The following RALGDS variants were observed in gnomAD, a reference collection of about 807,000 sequenced individuals.
RALGDS encodes the protein ral guanine nucleotide dissociation stimulator.
RALGDS carries 44 observed loss-of-function variants against 99.8 expected under a neutral mutation model. That is an observed-to-expected ratio of 0.44 (90% CI 0.35 to 0.57). RALGDS has a LOEUF of 0.57. Ranked by LOEUF, RALGDS falls within the 20% of genes least tolerant of loss-of-function variation. RALGDS has a pLI of 0.01. For missense variants in RALGDS, 1,022 were observed against 1,203.1 expected, an observed-to-expected ratio of 0.85 and a Z score of 2.23; for synonymous variants, 529 against 505.0, an observed-to-expected ratio of 1.05 and a Z score of -0.64.
At chr9:133,099,721 T>G in intron 17 of RALGDS, 1 of 172,314 alleles carries the variant, frequency 5.8e-6, no homozygotes, top group Non-Finnish European at 1.3e-5. Flanking sequence ...TTCATTTCCA[T>G]TTGGGGGATG....
Position 133,103,763 on chromosome 9 carries a change from A to G in RALGDS, c.1742T>C (p.Met581Thr), listed in dbSNP as rs372581332. 1 of 1,613,208 alleles carries G rather than the reference A, an allele frequency of 6.2e-7. No individual in the cohort carries two copies. The highest frequency in any genetic ancestry group is 8.5e-7 in the Non-Finnish European group (1 of 1,179,852). Residue 581 changes from methionine (M) to threonine (T), a missense_variant, in exon 11 of 18, where the codon ATG (methionine) becomes ACG (threonine). Met to Thr is a moderately conservative substitution (Grantham distance 81). This residue lies in a region of RALGDS where 825 missense variants were observed against 994.5 expected (regional missense o/e 0.83). Coordinates refer to ENST00000372050, the MANE Select transcript of RALGDS (RefSeq NM_006266.4). ...LTDLVMLDTA[M>T]KDYLYGRLIN... is the part of the protein sequence containing the mutation. ...CACACTCACATACAGATAGTCCTTC[A>G]TGGCAGTGTCCAGCATCACCAGGTC...
At chr9:133,136,518 G>A (rs932415700) in intron 1 of RALGDS, among the ~76,000 whole-genome samples, 14 of 152,206 alleles carry the variant, frequency 9.2e-5, no homozygotes, top group African/African-American at 3.1e-4. Context: ...GCTCACGCCT[G>A]TAATCCCAGC....
intron 1 of RALGDS, among the ~76,000 whole-genome samples, chr9:133,113,589 G>A (rs986226680): frequency 2.6e-5 from 4 of 152,194 alleles, no homozygotes; most frequent in Non-Finnish European, 5.9e-5. Flanking sequence ...GGGAGGTCTG[G>A]CCCTTCCACT....
In RALGDS at chr9:133,130,128, C is replaced by G. The variant is rs150869182; in HGVS notation, c.132+824G>C. On this transcript the variant is annotated intron_variant, in intron 1 of 17. Coordinates refer to the RALGDS transcript ENST00000372062. ...CTGGGACTACAGGCGCATGCCACCA[C>G]ACCCAGCTAATTTTTGTATTTTTAG... 3.4e-3 allele frequency among the ~76,000 whole-genome samples: 525 copies of G among 152,328 alleles called. 7 individuals are homozygous for G. Among genetic ancestry groups the G allele is most frequent in the African/African-American group, 0.012 (510 of 41,566 alleles).
chr9:133,146,005 G>A (rs772489037), intron 1 of RALGDS, among the ~76,000 whole-genome samples: 2 of 152,198 alleles, frequency 1.3e-5, no homozygotes. Flanking sequence ...AATACAAGTC[G>A]GACAGGCTGG....
Position 133,103,754 on chromosome 9 carries a change from T to C in RALGDS, c.1751A>G (p.Tyr584Cys), listed in dbSNP as rs1209000008. 3.7e-6 allele frequency: 6 copies of C among 1,612,894 alleles called. No homozygotes were observed. The highest frequency in any genetic ancestry group is 2.2e-5 in the South Asian group (2 of 91,064). Reference sequence around the variant, plus strand: ...CCCGCCCGGCACACTCACATACAGATAGTCCTTCATGGCAGTGTCCAGCAT... The same window carrying C: ...CCCGCCCGGCACACTCACATACAGACAGTCCTTCATGGCAGTGTCCAGCAT... ...LVMLDTAMKD[Y>C]LYGRLINFEK... is the part of the protein sequence containing the mutation. Residue 584 changes from tyrosine to cysteine, a missense_variant, in exon 11 of 18, where the codon TAT becomes TGT. Around this residue, in one of 3 missense-constraint regions of RALGDS, gnomAD observed 825 missense variants for 994.5 expected, o/e 0.83. Transcript: ENST00000372050.
At chr9:133,103,957 C>T (rs1588514116) in intron 10 of RALGDS, 124 bp from the exon 11 acceptor site, 1 of 942,644 alleles carries the variant, frequency 1.1e-6, no homozygotes, top group African/African-American at 1.6e-5. Context: ...GGCCCACTGT[C>T]TCCCTGGACC....
chr9:133,142,477 C>T lies in RALGDS; in HGVS notation c.18+6486G>A, dbSNP rs866116627. On this transcript the variant is annotated intron_variant, in intron 1 of 17. Transcript: ENST00000393160. ...GGCCAGCAGTTGCCAAGCAACTGCT[C>T]TGGGTTGCCACGGGAACACTCCCTT... Among the ~76,000 whole-genome samples, 8 of 152,234 alleles carry T rather than the reference C, an allele frequency of 5.3e-5. 1 individual carries two copies. In the South Asian group the frequency reaches 1.5e-3, roughly 28 times the overall value.
At chr9:133,099,603 T>C (rs1830653652) in intron 17 of RALGDS, 1 of 153,534 alleles carries the variant, frequency 6.5e-6, no homozygotes, top group Admixed American at 6.4e-5. Context: ...TATACATGCA[T>C]ATATATACAC....
chr9:133,106,945 C>G, intron 7 of RALGDS, 140 bp downstream of exon 7: 1 of 1,010,358 alleles, frequency 9.9e-7, no homozygotes, highest in Non-Finnish European at 1.5e-6. Flanking sequence ...CGTGAGCATC[C>G]AGGCAGTGGG....
At chr9:133,107,410 T>A (rs1831120624) in intron 6 of RALGDS, 110 bp from the exon 7 acceptor site, 2 of 1,011,610 alleles carry the variant, frequency 2.0e-6, no homozygotes, top group Admixed American at 4.0e-5. Flanking sequence ...TTTTATCCCG[T>A]GTCCATGCAG....
chr9:133,100,780 A>C (rs1043869729), intron 16 of RALGDS: 2 of 1,153,312 alleles, frequency 1.7e-6, no homozygotes, highest in Admixed American at 8.0e-5. Flanking sequence ...CAGGATGCTC[A>C]GTGTGGTCAG....
upstream of RALGDS, among the ~76,000 whole-genome samples, chr9:133,124,626 C>T (rs190566074): frequency 6.6e-6 from 1 of 152,364 alleles, no homozygotes; most frequent in Non-Finnish European, 1.5e-5. Flanking sequence ...CACATGCCCC[C>T]CTAATGAAGG....
chr9:133,130,311 T>C (rs1408513204), intron 1 of RALGDS, among the ~76,000 whole-genome samples: 1 of 152,080 alleles, frequency 6.6e-6, no homozygotes, highest in Non-Finnish European at 1.5e-5. Flanking sequence ...GATGGGGTTT[T>C]GCCATGTTGG....
chr9:133,119,511 G>C (rs374892370), intron 1 of RALGDS, among the ~76,000 whole-genome samples: 1 of 152,198 alleles, frequency 6.6e-6, no homozygotes, highest in African/African-American at 2.4e-5. Context: ...CCCCCAGGCA[G>C]GGGTGGGGCT....
At chr9:133,121,960 A>G (rs1831966596), upstream of RALGDS, among the ~76,000 whole-genome samples, 1 of 152,118 alleles carries the variant, frequency 6.6e-6, no homozygotes, top group Admixed American at 6.5e-5. Flanking sequence ...GCCCCACACT[A>G]TCCCCTTACA....
intron 9 of RALGDS, 156 bp from the exon 10 acceptor site, chr9:133,104,487 C>T: frequency 1.5e-6 from 1 of 675,374 alleles, no homozygotes. Context: ...CCTTCCTGAG[C>T]CTGCCTCCCC....
intron 1 of RALGDS, among the ~76,000 whole-genome samples, chr9:133,146,443 C>T (rs1315142918): frequency 6.6e-6 from 1 of 152,158 alleles, no homozygotes; most frequent in East Asian, 1.9e-4. Flanking sequence ...CCACCCGCCT[C>T]GGCCTCCCAA....
At chr9:133,110,753 C>A (rs976242839) in intron 2 of RALGDS, among the ~76,000 whole-genome samples, 24 of 152,030 alleles carry the variant, frequency 1.6e-4, no homozygotes, top group African/African-American at 5.3e-4. Flanking sequence ...AAGTGAAATC[C>A]CCCAGCTCTA....
Sources: gnomAD v4.1 joint callset for allele counts (sites outside exome capture counted in the v4.1 genomes callset) on GRCh38, gnomAD v4.1.1 for gene constraint, gnomAD v4.1.1 regional missense constraint, MANE v1.5 for transcripts, NCBI Gene and HGNC (gene_info 2026-07-23, HGNC 2026-07-21) for gene names.